Variants in RNF144B observed in about 807,000 individuals in gnomAD.
The protein encoded by RNF144B is E3 ubiquitin-protein ligase RNF144B.
A neutral mutation model predicts 40.2 loss-of-function variants in RNF144B; 25 were observed. The ratio of observed to expected loss-of-function variants is 0.62; its 90% CI spans 0.45 to 0.87. RNF144B has a LOEUF of 0.87. Among genes scored for constraint, RNF144B ranks in the 40% least tolerant of loss-of-function variants. The probability of loss-of-function intolerance (pLI) is 0.00; values close to 1 mark genes in which losing one functional copy is unlikely to be tolerated. For synonymous variants in RNF144B, 145 were observed against 136.3 expected (o/e 1.06, Z -0.44); for missense variants, 365 against 373.7 (o/e 0.98, Z 0.19).
rs571363700 is a variant in RNF144B, at chr6:18,401,970, T to G, written c.165+2271T>G. ...TTTTCATGTTAGATGGATAATGTGCTTATGGTGTAACCAGGTTTGAGGGAG... is the reference window on the plus strand; with the variant it reads ...TTTTCATGTTAGATGGATAATGTGCGTATGGTGTAACCAGGTTTGAGGGAG... On this transcript the variant is annotated intron_variant, in intron 2 of 7. Coordinates refer to ENST00000259939, the MANE Select transcript of RNF144B (RefSeq NM_182757.4). 2.8e-4 allele frequency: 17 copies of G among 60,764 alleles called. 7 individuals carry two copies. Among genetic ancestry groups the G allele is most frequent in the Non-Finnish European group, 6.8e-4 (17 of 25,138 alleles). The allele number at this position is 60,764 out of a possible 1,614,324, so 3.8% of individuals were successfully genotyped here.
chr6:18,461,453 A>T (rs1759453695), intron 6 of RNF144B, among the ~76,000 whole-genome samples: 1 of 152,154 alleles, frequency 6.6e-6, no homozygotes, highest in Admixed American at 6.5e-5. Context: ...AATTGGGTTC[A>T]TATCCACAAG....
intron 2 of RNF144B, among the ~76,000 whole-genome samples, chr6:18,427,287 G>T (rs578260116): frequency 1.4e-4 from 22 of 152,234 alleles, no homozygotes; most frequent in African/African-American, 4.8e-4. Context: ...GGCCTTTAGG[G>T]TTAGAAAATA....
chr6:18,408,596 A>T (rs1365396069), intron 2 of RNF144B, among the ~76,000 whole-genome samples: 1 of 152,118 alleles, frequency 6.6e-6, no homozygotes, highest in Non-Finnish European at 1.5e-5. Context: ...GGACTGGCTT[A>T]TGGAACAATG....
At chr6:18,445,634 T>C (rs1759064839) in intron 4 of RNF144B, among the ~76,000 whole-genome samples, 2 of 152,172 alleles carry the variant, frequency 1.3e-5, no homozygotes, top group African/African-American at 2.4e-5. Flanking sequence ...TTCTAAATCA[T>C]GTATAGTAAT....
chr6:18,413,881 C>G (rs1218634572), intron 2 of RNF144B, among the ~76,000 whole-genome samples: 6 of 152,176 alleles, frequency 3.9e-5, no homozygotes, highest in Admixed American at 3.9e-4. Flanking sequence ...GGAATGATGT[C>G]TAGCCTTTGA....
At chr6:18,463,081 T>C (rs1017253618) in intron 6 of RNF144B, among the ~76,000 whole-genome samples, 17 of 152,088 alleles carry the variant, frequency 1.1e-4, no homozygotes, top group Non-Finnish European at 2.1e-4. Context: ...TAAAAATAAT[T>C]AATTGAGATT....
chr6:18,434,443 G>A lies in RNF144B; in HGVS notation c.271-5241G>A, dbSNP rs554491104. Among the ~76,000 whole-genome samples, 74 of 152,206 alleles carry A rather than the reference G, an allele frequency of 4.9e-4. No individual in the cohort carries two copies. The highest frequency in any genetic ancestry group is 8.5e-4 in the Non-Finnish European group (58 of 68,010). On this transcript the variant is annotated intron_variant, in intron 3 of 7. Coordinates refer to ENST00000259939, the MANE Select transcript of RNF144B (RefSeq NM_182757.4). This position sits in a 1 kb window ranked among gnomAD's most constrained non-coding sequence, Gnocchi z 4.1. ...GATCGTGGTTAATACTGATTAACAG[G>A]TGTGCCTCACTTTTCATTTCTTCTT...
chr6:18,397,018 A>T lies in RNF144B; in HGVS notation c.-36-2481A>T, dbSNP rs560631103. Among the ~76,000 whole-genome samples the T allele has an allele frequency of 3.3e-5, 5 of 152,318 alleles. No homozygotes were observed. In the South Asian group the frequency reaches 1.0e-3, roughly 32 times the overall value. On this transcript the variant is annotated intron_variant, in intron 1 of 7. Coordinates refer to ENST00000259939, the MANE Select transcript of RNF144B (RefSeq NM_182757.4). ...CTGAGAAAAAAACCATGTCTTCCAC[A>T]TGGAAACTAACCATTAGTTAGCTTC...
At chr6:18,435,984 G>A (rs902487837) in intron 3 of RNF144B, among the ~76,000 whole-genome samples, 3 of 151,368 alleles carry the variant, frequency 2.0e-5, no homozygotes, top group Non-Finnish European at 4.4e-5. Flanking sequence ...TAACAAACCT[G>A]CACGTTGTGC....
chr6:18,465,343 G>T lies in RNF144B; in HGVS notation c.*276G>T. On this transcript the variant is annotated 3_prime_UTR_variant, in exon 8 of 8. Coordinates refer to ENST00000259939, the MANE Select transcript of RNF144B (RefSeq NM_182757.4). ...TGAACATATCATTTTATCATCCAAA[G>T]GATCTCACTGGACTGTTCAACTTCC... The T allele has an allele frequency of 2.2e-6, 1 of 448,272 alleles. No homozygotes were observed. Among genetic ancestry groups the T allele is most frequent in the South Asian group, 3.2e-5 (1 of 30,856 alleles). 27.8% of individuals were successfully genotyped at this position (448,272 alleles called of 1,614,324 possible). A position where few individuals can be genotyped will look rare whatever the true frequency, so the allele number is the denominator to read the frequency against.
chr6:18,391,684 G>A (rs974267966), intron 1 of RNF144B, among the ~76,000 whole-genome samples: 9 of 151,738 alleles, frequency 5.9e-5, no homozygotes, highest in Middle Eastern at 3.4e-3. Flanking sequence ...TGGCAAACAC[G>A]GTGAAACCAC....
In RNF144B at chr6:18,418,117, A is replaced by G. The variant is rs1366284794; in HGVS notation, c.166-9464A>G. Among the ~76,000 whole-genome samples, 2 of 152,314 alleles carry G rather than the reference A, an allele frequency of 1.3e-5. No homozygotes were observed. Among genetic ancestry groups the G allele is most frequent in the East Asian group, 3.9e-4 (2 of 5,182 alleles). The stretch of plus-strand genomic sequence containing the variant: ...TTGATGAGAATTTAAAGAAGTTGAA[A>G]CTCTCATACACTGCTGGTGGGAATG... On this transcript the variant is annotated intron_variant, in intron 2 of 7. Transcript: ENST00000259939. The surrounding 1 kb of genome is among the most constrained non-coding windows in gnomAD (Gnocchi z 5.2).
rs1170311789 is a variant in RNF144B at position 18,405,103 on chromosome 6, T to C, written c.165+5404T>C. On this transcript the variant is annotated intron_variant, in intron 2 of 7. Transcript: ENST00000259939. This position sits in a 1 kb window ranked among gnomAD's most constrained non-coding sequence, Gnocchi z 4.5. ...AGTTCAAAGCACTGTATTATTCTGT[T>C]GGTTTCTGGTACCTAAATATGCTTG... Among the ~76,000 whole-genome samples, 4 of 151,900 alleles carry C rather than the reference T, an allele frequency of 2.6e-5. No individual in the cohort carries two copies. Among genetic ancestry groups the C allele is most frequent in the Non-Finnish European group, 5.9e-5 (4 of 67,974 alleles).
At chr6:18,394,171 G>C (rs1019572736) in intron 1 of RNF144B, among the ~76,000 whole-genome samples, 3 of 152,098 alleles carry the variant, frequency 2.0e-5, no homozygotes, top group African/African-American at 7.2e-5. Flanking sequence ...AATAATTAGG[G>C]ATAAGTGTCC....
intron 4 of RNF144B, among the ~76,000 whole-genome samples, chr6:18,440,411 T>C (rs186300205): frequency 6.6e-6 from 1 of 152,220 alleles, no homozygotes; most frequent in African/African-American, 2.4e-5. Context: ...ATCTCAGAAG[T>C]AGGAAAAAAT....
chr6:18,387,451 C>T lies in RNF144B; in HGVS notation c.-216C>T, dbSNP rs1562035810. 1 of 1,237,578 alleles carries T rather than the reference C, an allele frequency of 8.1e-7. No individual in the cohort carries two copies. The highest frequency in any genetic ancestry group is 6.8e-5 in the East Asian group (1 of 14,766). The allele number at this position is 1,237,578 out of a possible 1,614,324, so 76.7% of individuals were successfully genotyped here. On this transcript the variant is annotated 5_prime_UTR_variant, in exon 1 of 8. Transcript: ENST00000259939. Reference sequence around the variant, plus strand: ...CTCCGCCTCCTCCCGACCCGTAGGTCTGGGAGCGCAAGTCCTGTTGCAGTC... The same window carrying T: ...CTCCGCCTCCTCCCGACCCGTAGGTTTGGGAGCGCAAGTCCTGTTGCAGTC...
rs777340132 is a variant in RNF144B, at chr6:18,464,906, GC to G, written c.772-20del. ...TTGAAAGACTTAATTGCTGAAATAT[GC>G]TTTTCTTTGAAATTTCCAGGTGGTG... is the stretch of plus-strand genomic sequence containing the variant. On this transcript the variant is annotated intron_variant, in intron 7 of 7. Coordinates refer to ENST00000259939, the MANE Select transcript of RNF144B (RefSeq NM_182757.4). This position sits in a 1 kb window ranked among gnomAD's most constrained non-coding sequence, Gnocchi z 6.1. The G allele has an allele frequency of 6.2e-7, 1 of 1,612,930 alleles. No individual in the cohort carries two copies. The highest frequency in any genetic ancestry group is 1.1e-5 in the South Asian group (1 of 91,010).
In RNF144B at chr6:18,406,482, G is replaced by GTA. The variant is rs1279192665; in HGVS notation, c.165+6784_165+6785insAT. ...AGTGTGTGTGTGTGTGTGTGTGTGT[G>GTA]TGTGTGTGTGTGTGTGTGTAGGGGG... On this transcript the variant is annotated intron_variant, in intron 2 of 7. Coordinates refer to ENST00000259939, the MANE Select transcript of RNF144B (RefSeq NM_182757.4). The surrounding 1 kb of genome is among the most constrained non-coding windows in gnomAD (Gnocchi z 4.2). Among the ~76,000 whole-genome samples the GTA allele has an allele frequency of 1.3e-5, 2 of 150,554 alleles. No individual in the cohort carries two copies. Among genetic ancestry groups the GTA allele is most frequent in the South Asian group, 2.1e-4 (1 of 4,728 alleles).
intron 1 of RNF144B, among the ~76,000 whole-genome samples, chr6:18,392,268 A>G (rs556145164): frequency 3.9e-5 from 6 of 152,168 alleles, no homozygotes; most frequent in South Asian, 4.1e-4. Context: ...AGCTTATCAC[A>G]ACGTCATGTA....
Sources: gnomAD v4.1 joint callset for allele counts (sites outside exome capture counted in the v4.1 genomes callset) on GRCh38, gnomAD v4.1.1 for gene constraint, Gnocchi (gnomAD v3.1) non-coding constraint, MANE v1.5 for transcripts, NCBI Gene and HGNC (gene_info 2026-07-23, HGNC 2026-07-21) for gene names.